Variants in RAD51B observed in about 807,000 individuals in gnomAD.
The protein encoded by RAD51B is DNA repair protein RAD51 homolog 2.
RAD51B carries 38 observed loss-of-function variants against 42.2 expected under a neutral mutation model. The ratio of observed to expected loss-of-function variants is 0.90; its 90% CI spans 0.70 to 1.18. The LOEUF is 1.18. RAD51B is among the 50% of genes most tolerant of loss of function. The probability of loss-of-function intolerance (pLI) is 0.00; values close to 1 mark genes in which losing one functional copy is unlikely to be tolerated. For synonymous variants in RAD51B, 154 were observed against 145.2 expected, an observed-to-expected ratio of 1.06 and a Z score of -0.43; for missense variants, 373 against 400.7, an observed-to-expected ratio of 0.93 and a Z score of 0.59.
intron 7 of RAD51B, among the ~76,000 whole-genome samples, chr14:68,052,502 T>A (rs541859319): frequency 1.3e-5 from 2 of 152,302 alleles, no homozygotes; most frequent in Admixed American, 6.5e-5. Context: ...CTTCCTCTAG[T>A]CATTCTTTCC....
chr14:67,826,826 G>A (rs1161896843), intron 3 of RAD51B, among the ~76,000 whole-genome samples: 1 of 151,940 alleles, frequency 6.6e-6, no homozygotes, highest in Non-Finnish European at 1.5e-5. Context: ...GGGACTACAG[G>A]TGCACACCAC....
intron 4 of RAD51B, among the ~76,000 whole-genome samples, chr14:67,837,662 T>G (rs2041290859): frequency 6.6e-6 from 1 of 152,198 alleles, no homozygotes; most frequent in Admixed American, 6.6e-5. Context: ...TATTACAATT[T>G]TTAATTGATA....
At chr14:68,332,538 C>T (rs902272940) in intron 8 of RAD51B, among the ~76,000 whole-genome samples, 1 of 152,182 alleles carries the variant, frequency 6.6e-6, no homozygotes, top group Non-Finnish European at 1.5e-5. Context: ...TTTGGGACAG[C>T]ACCATGGAGC....
chr14:68,315,189 C>T (rs2082031092), intron 8 of RAD51B, among the ~76,000 whole-genome samples: 1 of 152,168 alleles, frequency 6.6e-6, no homozygotes, highest in Non-Finnish European at 1.5e-5. Flanking sequence ...GCTGGCTCTA[C>T]CATGTGATTT....
At chr14:68,288,194 C>A (rs545748701) in intron 7 of RAD51B, among the ~76,000 whole-genome samples, 1 of 152,272 alleles carries the variant, frequency 6.6e-6, no homozygotes, top group East Asian at 1.9e-4. Context: ...CTCTTGATTG[C>A]CTCAGAGGAA....
intron 8 of RAD51B, 100 bp downstream of exon 8, chr14:68,292,080 C>T (rs908459159): frequency 1.3e-5 from 14 of 1,114,982 alleles, no homozygotes; most frequent in South Asian, 1.1e-4. Flanking sequence ...GCTAATAGGC[C>T]CTGGCCAGTG....
intron 7 of RAD51B, among the ~76,000 whole-genome samples, chr14:68,227,610 C>T (rs1260454366): frequency 1.3e-5 from 2 of 152,182 alleles, no homozygotes; most frequent in Non-Finnish European, 2.9e-5. Context: ...TCCTCCTCAG[C>T]AATGGTCCCT....
chr14:68,621,839 G>A (rs1344804373), intron 10 of RAD51B, among the ~76,000 whole-genome samples: 3 of 152,234 alleles, frequency 2.0e-5, no homozygotes, highest in East Asian at 1.9e-4. Flanking sequence ...CAGTGGTGAC[G>A]TGGGTTCTGT....
At chr14:68,031,575 G>A (rs569480865) in intron 7 of RAD51B, among the ~76,000 whole-genome samples, 1 of 152,264 alleles carries the variant, frequency 6.6e-6, no homozygotes, top group East Asian at 1.9e-4. Context: ...CCTTCAATTT[G>A]TTAAAATACC....
intron 10 of RAD51B, among the ~76,000 whole-genome samples, chr14:68,476,327 TA>T (rs1273436114): frequency 6.6e-6 from 1 of 152,214 alleles, no homozygotes; most frequent in Non-Finnish European, 1.5e-5. Context: ...TATTTGAGGA[TA>T]GATTCAGGGA....
chr14:68,177,195 A>G (rs570470159), intron 7 of RAD51B, among the ~76,000 whole-genome samples: 2 of 152,316 alleles, frequency 1.3e-5, no homozygotes, highest in South Asian at 4.1e-4. Context: ...CTGTACACAA[A>G]CACTTAGTGA....
intron 4 of RAD51B, among the ~76,000 whole-genome samples, chr14:67,860,010 C>T (rs780219182): frequency 1.3e-5 from 2 of 152,040 alleles, no homozygotes; most frequent in Admixed American, 6.6e-5. Context: ...TTAGTAGAGA[C>T]GAGGTTTCTC....
At chr14:67,995,072 G>GGGATCTTCA (rs2075358084) in intron 7 of RAD51B, among the ~76,000 whole-genome samples, 1 of 152,000 alleles carries the variant, frequency 6.6e-6, no homozygotes, top group South Asian at 2.1e-4. Context: ...AGCAGATTAA[G>GGGATCTTCA]GGATCTTCAG....
At chr14:67,821,681 C>T (rs2040632867) in intron 1 of RAD51B, among the ~76,000 whole-genome samples, 1 of 152,086 alleles carries the variant, frequency 6.6e-6, no homozygotes. Flanking sequence ...AGGCTGGTCT[C>T]AAACTCCTGG....
chr14:68,375,243 C>T (rs1181311449), intron 8 of RAD51B, among the ~76,000 whole-genome samples: 2 of 150,880 alleles, frequency 1.3e-5, no homozygotes, highest in Admixed American at 6.6e-5. Context: ...TTTCCTAACA[C>T]CCTCCTTCCC....
intron 7 of RAD51B, among the ~76,000 whole-genome samples, chr14:68,169,343 A>C (rs1416331615): frequency 6.6e-6 from 1 of 152,070 alleles, no homozygotes; most frequent in Non-Finnish European, 1.5e-5. Context: ...TTTAGTGCCC[A>C]TTTCAAATTT....
intron 11 of RAD51B, among the ~76,000 whole-genome samples, chr14:68,668,923 A>G (rs1311903140): frequency 6.6e-6 from 1 of 152,240 alleles, no homozygotes. Flanking sequence ...GTTTTCCCGA[A>G]AGACCTTTTA....
chr14:68,280,607 C>T (rs138552435), intron 7 of RAD51B, among the ~76,000 whole-genome samples: 27 of 152,258 alleles, frequency 1.8e-4, no homozygotes, highest in African/African-American at 4.8e-4. Flanking sequence ...GCTTAGTGAA[C>T]GTGAGTTTCC....
intron 7 of RAD51B, among the ~76,000 whole-genome samples, chr14:67,918,035 G>A (rs992944390): frequency 1.3e-5 from 2 of 152,064 alleles, no homozygotes; most frequent in African/African-American, 4.8e-5. Flanking sequence ...AGAGCTCACA[G>A]AATGTGATAG....
Sources: gnomAD v4.1 joint callset for allele counts (sites outside exome capture counted in the v4.1 genomes callset) on GRCh38, gnomAD v4.1.1 for gene constraint, MANE v1.5 for transcripts, NCBI Gene and HGNC (gene_info 2026-07-23, HGNC 2026-07-21) for gene names.